Variants in PCDHGA1 observed in about 807,000 individuals in gnomAD.
The protein encoded by PCDHGA1 is protocadherin gamma-A1.
A neutral mutation model predicts 58.0 loss-of-function variants in PCDHGA1; 32 were observed. The ratio of observed to expected loss-of-function variants is 0.55; its 90% CI spans 0.42 to 0.74. PCDHGA1 has a LOEUF of 0.74. PCDHGA1 is among the 30% of genes least tolerant of loss of function. PCDHGA1 has a pLI of 0.00. For missense variants in PCDHGA1, 1,205 were observed against 1,182.3 expected, an observed-to-expected ratio of 1.02 and a Z score of -0.28; for synonymous variants, 498 against 501.1, an observed-to-expected ratio of 0.99 and a Z score of 0.08.
At chr5:141,361,254 C>CA in intron 1 of PCDHGA1, 1 of 1,613,964 alleles carries the variant, frequency 6.2e-7, no homozygotes, top group Non-Finnish European at 8.5e-7. Context: ...AAACGAGAGA[C>CA]AGAGACTCTG....
chr5:141,443,588 A>T (rs1479393074), intron 1 of PCDHGA1, among the ~76,000 whole-genome samples: 3 of 152,240 alleles, frequency 2.0e-5, no homozygotes, highest in Non-Finnish European at 4.4e-5. Context: ...CTAAAACAGA[A>T]TGTGGTATAT....
At chr5:141,360,109 G>T (rs1218338018) in intron 1 of PCDHGA1, 3 of 1,561,508 alleles carry the variant, frequency 1.9e-6, no homozygotes, top group African/African-American at 2.7e-5. Context: ...TTCCTCCTAT[G>T]GGCAAAGGAG....
rs1763351021 is a variant in PCDHGA1, at chr5:141,364,473, T to C, written c.2421+31368T>C. On this transcript the variant is annotated intron_variant, in intron 1 of 3. Transcript: ENST00000517417. ...GACAAAGGCTCCTTCGTCGGCAACA[T>C]AGCCAAGGACCTTGGGCTGGAGCCC... 2.5e-6 allele frequency: 4 copies of C among 1,613,868 alleles called. No homozygotes were observed. The highest frequency in any genetic ancestry group is 2.5e-6 in the Non-Finnish European group (3 of 1,179,886).
At chr5:141,376,447 C>G (rs777597745) in intron 1 of PCDHGA1, 2 of 1,614,182 alleles carry the variant, frequency 1.2e-6, no homozygotes, top group Non-Finnish European at 1.7e-6. Flanking sequence ...ATGAGAAAAG[C>G]GAGCCTCTTC....
rs1437905810 is a variant in PCDHGA1, at chr5:141,334,766, CT to C, written c.2421+1662del. 6.6e-6 allele frequency: 1 copy of C among 152,200 alleles called. No individual in the cohort carries two copies. The highest frequency in any genetic ancestry group is 1.5e-5 in the Non-Finnish European group (1 of 68,050). 9.4% of individuals were successfully genotyped at this position (152,200 alleles called of 1,614,324 possible). On this transcript the variant is annotated intron_variant, in intron 1 of 3. Coordinates refer to ENST00000517417, the MANE Select transcript of PCDHGA1 (RefSeq NM_018912.3). The surrounding 1 kb of genome is among the most constrained non-coding windows in gnomAD (Gnocchi z 4.6). ...AGCTGTGGTATCCAGAATATCACTG[CT>C]GTGCATCATTAAAGCGTCATTAAGA...
intron 1 of PCDHGA1, among the ~76,000 whole-genome samples, chr5:141,467,304 C>T (rs567912553): frequency 2.0e-5 from 3 of 152,266 alleles, no homozygotes; most frequent in Admixed American, 6.5e-5. Flanking sequence ...CCACTCACCT[C>T]GGCCTCCCAC....
chr5:141,371,119 T>A lies in PCDHGA1; in HGVS notation c.2421+38014T>A, dbSNP rs567260577. 2.4e-4 allele frequency: 393 copies of A among 1,613,958 alleles called. 4 individuals are homozygous for A. The South Asian group carries it at 3.8e-3, about 16-fold the overall frequency. ...GATGCAAATGATAACCCCCCAGTAT[T>A]TACTCAGGACATGTACAGGGTCAAT... On this transcript the variant is annotated intron_variant, in intron 1 of 3. Coordinates refer to ENST00000517417, the MANE Select transcript of PCDHGA1 (RefSeq NM_018912.3).
Position 141,510,990 on chromosome 5 carries a change from C to T in PCDHGA1, c.2613C>T (p.Thr871=). ...GSSTLGGGAG[T]MGLSARYGPQ... ...CCACCCTGGGAGGGGGTGCCGGCAC[C>T]ATGGGATTGAGCGCCCGCTACGGAC... The change falls in exon 4 of 4, where the codon ACC becomes ACT. Residue 871 remains threonine, a synonymous_variant. Transcript: ENST00000517417. The T allele has an allele frequency of 2.5e-6, 4 of 1,614,166 alleles. No homozygotes were observed. Among genetic ancestry groups the T allele is most frequent in the Non-Finnish European group, 3.4e-6 (4 of 1,180,014 alleles).
intron 1 of PCDHGA1, chr5:141,410,075 GAGGTGCGCAC>G: frequency 6.2e-7 from 1 of 1,612,898 alleles, no homozygotes; most frequent in East Asian, 2.2e-5. Context: ...GCGCACTGGG[GAGGTGCGCAC>G]GGCTCGAGCC....
chr5:141,408,526 T>C, intron 1 of PCDHGA1: 3 of 1,614,028 alleles, frequency 1.9e-6, no homozygotes, highest in Non-Finnish European at 2.5e-6. Flanking sequence ...AATTGGAAGC[T>C]GTGGTGGAAA....
intron 1 of PCDHGA1, chr5:141,340,316 G>C: frequency 6.2e-7 from 1 of 1,614,034 alleles, no homozygotes; most frequent in South Asian, 1.1e-5. Context: ...CAACGACAAC[G>C]CACCCGCCTT....
intron 1 of PCDHGA1, chr5:141,392,967 C>A (rs1442170331): frequency 1.2e-6 from 2 of 1,613,766 alleles, no homozygotes; most frequent in African/African-American, 2.7e-5. Context: ...CTCCAAGGAC[C>A]TGGGGCTGGA....
intron 1 of PCDHGA1, among the ~76,000 whole-genome samples, chr5:141,455,603 C>T (rs1433078116): frequency 3.3e-5 from 5 of 152,190 alleles, no homozygotes; most frequent in Admixed American, 2.6e-4. Context: ...CGTAGGGCGC[C>T]ATGGATGTTC....
In PCDHGA1 at chr5:141,488,435, C is replaced by T. The variant is rs111661764; in HGVS notation, c.2422-6372C>T. Among the ~76,000 whole-genome samples, 87 of 152,276 alleles carry T rather than the reference C, an allele frequency of 5.7e-4. 1 individual carries two copies. The highest frequency in any genetic ancestry group is 1.6e-3 in the African/African-American group (67 of 41,546). On this transcript the variant is annotated intron_variant, in intron 1 of 3. Transcript: ENST00000517417. ...AAGCCATCCATGCTTGGCCTCTGAC[C>T]ACCCTCCTGGGTGACCTGATTCAGC...
chr5:141,353,819 G>T (rs149485600), intron 1 of PCDHGA1, among the ~76,000 whole-genome samples: 1 of 152,006 alleles, frequency 6.6e-6, no homozygotes, highest in Admixed American at 6.6e-5. Context: ...TCAATCATCC[G>T]CAGTTTGTGC....
chr5:141,458,556 T>C (rs1424881453), intron 1 of PCDHGA1, among the ~76,000 whole-genome samples: 1 of 145,670 alleles, frequency 6.9e-6, no homozygotes, highest in Non-Finnish European at 1.5e-5. Flanking sequence ...TTGTTTGTTT[T>C]GGTTTTGGGT....
intron 1 of PCDHGA1, among the ~76,000 whole-genome samples, chr5:141,406,328 C>T (rs1235799294): frequency 1.3e-5 from 2 of 152,062 alleles, no homozygotes; most frequent in Non-Finnish European, 2.9e-5. Context: ...ATTCTTACTC[C>T]TACGATCATT....
At position 141,330,862 on chromosome 5, in the gene PCDHGA1, G is replaced by C; in HGVS notation, c.178G>C (p.Ala60Pro). 1 of 1,614,182 alleles carries C rather than the reference G, an allele frequency of 6.2e-7. No homozygotes were observed. Among genetic ancestry groups the C allele is most frequent in the Non-Finnish European group, 8.5e-7 (1 of 1,180,030 alleles). The change falls in exon 1 of 4, where the codon GCA becomes CCA. Residue 60 changes from alanine (A) to proline (P), a missense_variant. By Grantham distance (27) the Ala-to-Pro change is conservative. Transcript: ENST00000517417. Reference sequence around the variant, plus strand: ...CCTAGGGCTGCAACCCCAGGAGCTGGCAGATGGCGGAGTCCGCATCGTCTC... The same window carrying C: ...CCTAGGGCTGCAACCCCAGGAGCTGCCAGATGGCGGAGTCCGCATCGTCTC... ...KDLGLQPQEL[A>P]DGGVRIVSRG...
chr5:141,455,817 A>G (rs1251279680), intron 1 of PCDHGA1, among the ~76,000 whole-genome samples: 3 of 151,882 alleles, frequency 2.0e-5, no homozygotes, highest in Non-Finnish European at 4.4e-5. Flanking sequence ...AAAACTTCCC[A>G]AGGACCCCTT....
Sources: allele counts gnomAD v4.1 joint callset (sites outside exome capture counted in the v4.1 genomes callset), GRCh38; gene constraint gnomAD v4.1.1; non-coding constraint Gnocchi (gnomAD v3.1); transcripts MANE v1.5; gene names NCBI Gene and HGNC (gene_info 2026-07-23, HGNC 2026-07-21).